The following AKIP1 variants were observed in gnomAD, a reference collection of about 807,000 sequenced individuals.
The protein encoded by AKIP1 is A-kinase interacting protein 1.
Under a neutral mutation model 22.3 loss-of-function variants are expected in AKIP1, and 18 were observed. That is an observed-to-expected ratio of 0.81 (90% CI 0.56 to 1.19). The LOEUF (loss-of-function observed/expected upper bound fraction) is 1.19. AKIP1 is among the 50% of genes most tolerant of loss of function. The pLI is 0.00. For missense variants in AKIP1, 287 were observed against 264.6 expected (o/e 1.08, Z -0.59); for synonymous variants, 120 against 102.7 (o/e 1.17, Z -1.02).
intron 5 of AKIP1, among the ~76,000 whole-genome samples, chr11:8,918,376 T>C (rs921670854): frequency 1.3e-5 from 2 of 152,142 alleles, no homozygotes; most frequent in African/African-American, 2.4e-5. Context: ...TTGGAAAAAA[T>C]TGGCTTCAAA....
At chr11:8,915,097 T>C (rs1187451984) in intron 4 of AKIP1, among the ~76,000 whole-genome samples, 167 bp downstream of exon 4, 2 of 152,186 alleles carry the variant, frequency 1.3e-5, no homozygotes, top group Admixed American at 6.5e-5. Flanking sequence ...CTTACAGCAA[T>C]GAACATGAAA....
intron 4 of AKIP1, among the ~76,000 whole-genome samples, chr11:8,916,236 G>A (rs537480583): frequency 6.6e-6 from 1 of 152,006 alleles, no homozygotes; most frequent in Non-Finnish European, 1.5e-5. Context: ...GATTACAGGC[G>A]TGAGCCACCA....
intron 4 of AKIP1, among the ~76,000 whole-genome samples, chr11:8,917,025 A>G (rs1353081537): frequency 6.6e-6 from 1 of 152,210 alleles, no homozygotes; most frequent in Non-Finnish European, 1.5e-5. Flanking sequence ...AGAGAAGTTA[A>G]TCTGTCTTAG....
intron 4 of AKIP1, among the ~76,000 whole-genome samples, chr11:8,915,425 G>A (rs949540038): frequency 3.6e-5 from 5 of 138,212 alleles, no homozygotes; most frequent in Admixed American, 1.6e-4. Context: ...GTGCAGTGGA[G>A]CAATCATGGC....
In AKIP1 at chr11:8,919,617, T is replaced by A; in HGVS notation, c.*137T>A. On this transcript the variant is annotated 3_prime_UTR_variant, in exon 6 of 6. Transcript: ENST00000309377. ...AGCCTTCCGGGAACTGGAGTCTGTC[T>A]CTTTCAGTGCTTTTTTGTTTGTTTG... The A allele has an allele frequency of 1.1e-6, 1 of 937,868 alleles. No homozygotes were observed. The highest frequency in any genetic ancestry group is 1.6e-6 in the Non-Finnish European group (1 of 625,298). The allele number at this position is 937,868 out of a possible 1,614,324, so 58.1% of individuals were successfully genotyped here. A position where few individuals can be genotyped will look rare whatever the true frequency, so the allele number is the denominator to read the frequency against.
rs1192721754 is a variant in AKIP1, at chr11:8,917,315, G to A, written c.437G>A (p.Gly146Asp). The A allele has an allele frequency of 2.5e-6, 4 of 1,612,576 alleles. No homozygotes were observed. The highest frequency in any genetic ancestry group is 2.5e-6 in the Non-Finnish European group (3 of 1,179,192). ...AAAGACAGAAAAAAGACATCCCTTG[G>A]TCCTGGAGGCAGCTATCAAATATCA... is the stretch of plus-strand genomic sequence containing the variant. Reference protein sequence around the residue: ...QRKDRKKTSLGPGGSYQISEH... With the variant: ...QRKDRKKTSLDPGGSYQISEH... The change falls in exon 5 of 6, where the codon GGT becomes GAT. Residue 146 changes from glycine (G) to aspartate (D), a missense_variant. Gly to Asp is a moderately conservative substitution (Grantham distance 94, BLOSUM62 -1). Transcript: ENST00000309377.
chr11:8,919,155 T>C (rs571720578), intron 5 of AKIP1, among the ~76,000 whole-genome samples, 182 bp from the exon 6 acceptor site: 98 of 152,330 alleles, frequency 6.4e-4, no homozygotes, highest in African/African-American at 2.3e-3. Context: ...AAGGAAAGGC[T>C]GAGACCTACC....
At chr11:8,912,568 C>T (rs769510615) in intron 3 of AKIP1, 35 bp downstream of exon 3, 1 of 1,539,078 alleles carries the variant, frequency 6.5e-7, no homozygotes, top group Non-Finnish European at 9.0e-7. Flanking sequence ...TGCCCCATCA[C>T]CTGCTGATGG....
At chr11:8,915,071 T>A in intron 4 of AKIP1, 141 bp downstream of exon 4, 2 of 602,030 alleles carry the variant, frequency 3.3e-6, no homozygotes, top group South Asian at 4.7e-5. Context: ...ATGTGTAAAT[T>A]CATAGCCTTA....
At position 8,919,446 on chromosome 11, in the gene AKIP1, C is replaced by A. The variant is rs752513135; in HGVS notation, c.599C>A (p.Ser200Tyr). 3.1e-6 allele frequency: 5 copies of A among 1,614,222 alleles called. No homozygotes were observed. The South Asian group carries it at 4.4e-5, about 14-fold the overall frequency. ...AAGACTCATGTGGTAGCAGTTGATT[C>A]TGGACAAAGCGTGGACCTGGTCTTC... ...TKKTHVVAVD[S>Y]GQSVDLVFPV Residue 200 changes from serine (S) to tyrosine (Y), a missense_variant, in exon 6 of 6, where the codon TCT (serine) becomes TAT (tyrosine). Transcript: ENST00000309377.
Position 8,917,387 on chromosome 11 carries a change from C to T in AKIP1, c.489+20C>T, listed in dbSNP as rs2016844. 536,880 of 1,600,172 alleles carry T rather than the reference C, an allele frequency of 0.34. 94,047 individuals are homozygous for T. The highest frequency in any genetic ancestry group is 0.44 in the South Asian group (39,732 of 90,506). On this transcript the variant is annotated intron_variant, in intron 5 of 5. Transcript: ENST00000309377. ...CAGCCTGTGAGTACGGAACTGCTTA[C>T]GCACTGGGTTTCACCACCGTTGCAA...
intron 5 of AKIP1, 57 bp downstream of exon 5, chr11:8,917,424 AG>A: frequency 7.7e-7 from 1 of 1,306,044 alleles, no homozygotes. Flanking sequence ...TCCATGAACC[AG>A]TTGACATGGT....
chr11:8,912,225 A>G (rs1479207240), intron 2 of AKIP1, among the ~76,000 whole-genome samples: 1 of 151,468 alleles, frequency 6.6e-6, no homozygotes, highest in Non-Finnish European at 1.5e-5. Flanking sequence ...AAAAAATCTT[A>G]CAGCTATCAT....
chr11:8,913,144 G>T (rs1242528276), intron 3 of AKIP1, among the ~76,000 whole-genome samples: 1 of 149,666 alleles, frequency 6.7e-6, no homozygotes, highest in Non-Finnish European at 1.5e-5. Context: ...CTCCCAAAGT[G>T]CTGGGATTAC....
intron 4 of AKIP1, among the ~76,000 whole-genome samples, chr11:8,916,791 T>C (rs2064492368): frequency 6.6e-6 from 1 of 152,190 alleles, no homozygotes; most frequent in South Asian, 2.1e-4. Context: ...AAGGGTGCAC[T>C]TAGGTACATG....
rs186169192 is a variant in AKIP1 at position 8,918,943 on chromosome 11, C to T, written c.490-394C>T. ...TTAAAAGAATGGCTCTCATCACTCC[C>T]GAGTACCTTGTCATTACTGCTCATC... On this transcript the variant is annotated intron_variant, in intron 5 of 5. Coordinates refer to ENST00000309377, the MANE Select transcript of AKIP1 (RefSeq NM_020642.4). Among the ~76,000 whole-genome samples, 108 of 152,308 alleles carry T rather than the reference C, an allele frequency of 7.1e-4. 1 individual carries two copies. Among genetic ancestry groups the T allele is most frequent in the Non-Finnish European group, 1.1e-3 (78 of 68,028 alleles).
Position 8,919,533 on chromosome 11 carries a change from C to A in AKIP1, c.*53C>A. On this transcript the variant is annotated 3_prime_UTR_variant, in exon 6 of 6. Coordinates refer to ENST00000309377, the MANE Select transcript of AKIP1 (RefSeq NM_020642.4). ...CTTTTTTTAAGTAGTAAGAATAAAGCCACTGTATGATTCTCTTAATAGCTA... is the reference window on the plus strand; with the variant it reads ...CTTTTTTTAAGTAGTAAGAATAAAGACACTGTATGATTCTCTTAATAGCTA... 5.1e-6 allele frequency: 8 copies of A among 1,580,496 alleles called. No individual in the cohort carries two copies. In the South Asian group the frequency reaches 9.2e-5, roughly 18 times the overall value.
At chr11:8,915,082 G>A in intron 4 of AKIP1, 152 bp downstream of exon 4, 1 of 575,296 alleles carries the variant, frequency 1.7e-6, no homozygotes, top group African/African-American at 1.9e-5. Context: ...CATAGCCTTA[G>A]AGAACTTACA....
rs192817284 is a variant in AKIP1 at position 8,919,186 on chromosome 11, G to T, written c.490-151G>T. 12 of 690,832 alleles carry T rather than the reference G, an allele frequency of 1.7e-5. No individual in the cohort carries two copies. The East Asian group carries it at 1.8e-4, about 11-fold the overall frequency. The allele number at this position is 690,832 out of a possible 1,614,324, so 42.8% of individuals were successfully genotyped here. Reference sequence around the variant, plus strand: ...CTACCAAAATGACAGTGTTGTACGTGAGCAGGCTGAGCCTTGAAAGCAGGA... The same window carrying T: ...CTACCAAAATGACAGTGTTGTACGTTAGCAGGCTGAGCCTTGAAAGCAGGA... On this transcript the variant is annotated intron_variant, in intron 5 of 5. Coordinates refer to ENST00000309377, the MANE Select transcript of AKIP1 (RefSeq NM_020642.4).
Sources: allele counts gnomAD v4.1 joint callset (sites outside exome capture counted in the v4.1 genomes callset), GRCh38; gene constraint gnomAD v4.1.1; transcripts MANE v1.5; gene names NCBI Gene and HGNC (gene_info 2026-07-23, HGNC 2026-07-21).